PIK3C2G: variants seen among roughly 807,000 people sequenced by gnomAD.
The protein encoded by PIK3C2G is phosphatidylinositol-4-phosphate 3-kinase catalytic subunit type 2 gamma.
A neutral mutation model predicts 181.1 loss-of-function variants in PIK3C2G; 168 were observed. That is an observed-to-expected ratio of 0.93 (90% CI 0.82 to 1.05). PIK3C2G has a LOEUF of 1.05. Ranked by LOEUF, PIK3C2G falls within the 50% of genes least tolerant of loss-of-function variation. The pLI is 0.00. For missense variants in PIK3C2G, 1,869 were observed against 1,732.8 expected (o/e 1.08, Z -1.40); for synonymous variants, 573 against 592.2 (o/e 0.97, Z 0.47).
intron 17 of PIK3C2G, 69 bp from the exon 18 acceptor site, chr12:18,423,876 C>G: frequency 1.1e-6 from 1 of 898,076 alleles, no homozygotes; most frequent in East Asian, 2.6e-5. Context: ...TCTCAAGCCT[C>G]TGAAGTCCCT....
intron 9 of PIK3C2G, among the ~76,000 whole-genome samples, chr12:18,339,939 GAAATT>G (rs1487138492): frequency 2.0e-5 from 3 of 152,018 alleles, no homozygotes; most frequent in Admixed American, 6.6e-5. Flanking sequence ...AATAAATCCA[GAAATT>G]AAATATCAAA....
At chr12:18,563,817 T>A (rs1436898906) in intron 28 of PIK3C2G, among the ~76,000 whole-genome samples, 2 of 152,026 alleles carry the variant, frequency 1.3e-5, no homozygotes, top group Non-Finnish European at 2.9e-5. Flanking sequence ...TCCTCTTAGT[T>A]ATTTTTTATA....
intron 13 of PIK3C2G, among the ~76,000 whole-genome samples, chr12:18,372,919 G>A (rs1942169136): frequency 6.6e-6 from 1 of 152,080 alleles, no homozygotes; most frequent in Non-Finnish European, 1.5e-5. Context: ...GATCCTAGGT[G>A]TTATTTTTTA....
the PIK3C2G span, among the ~76,000 whole-genome samples, chr12:18,724,319 T>G: frequency 1.3e-5 from 2 of 151,990 alleles, no homozygotes; most frequent in African/African-American, 2.4e-5. Context: ...ACAATGAAAT[T>G]TTAGACAAAT....
chr12:18,560,121 G>A (rs140226926), intron 26 of PIK3C2G, among the ~76,000 whole-genome samples: 5 of 151,524 alleles, frequency 3.3e-5, no homozygotes, highest in African/African-American at 7.3e-5. Flanking sequence ...ATGAGCCACC[G>A]CACCTGGCCA....
upstream of PIK3C2G, among the ~76,000 whole-genome samples, chr12:18,256,987 G>A (rs552986088): frequency 1.2e-4 from 18 of 152,090 alleles, no homozygotes; most frequent in East Asian, 1.9e-4. Flanking sequence ...CAACTCTTCC[G>A]TTCTCAATAT....
chr12:18,350,932 A>G (rs1940160436), intron 11 of PIK3C2G, among the ~76,000 whole-genome samples: 1 of 152,156 alleles, frequency 6.6e-6, no homozygotes, highest in South Asian at 2.1e-4. Context: ...AGAAATTAGG[A>G]AGGATATAGG....
chr12:18,434,409 C>T (rs1347703303), intron 18 of PIK3C2G, among the ~76,000 whole-genome samples: 2 of 152,012 alleles, frequency 1.3e-5, no homozygotes, highest in Admixed American at 1.3e-4. Flanking sequence ...TGAACCTGGA[C>T]CCAAATAAGA....
chr12:18,507,231 T>C (rs1045142874), intron 24 of PIK3C2G, among the ~76,000 whole-genome samples: 2 of 152,064 alleles, frequency 1.3e-5, no homozygotes, highest in African/African-American at 4.8e-5. Context: ...GGTTTCGCCA[T>C]GTTGGCCAGG....
chr12:18,501,072 GAACA>G (rs1420828145), intron 22 of PIK3C2G, among the ~76,000 whole-genome samples: 1 of 151,344 alleles, frequency 6.6e-6, no homozygotes, highest in Non-Finnish European at 1.5e-5. Context: ...ACATCAGAAA[GAACA>G]AACTCCAGAC....
At chr12:18,445,433 T>G (rs1011140117) in intron 18 of PIK3C2G, among the ~76,000 whole-genome samples, 1 of 147,864 alleles carries the variant, frequency 6.8e-6, no homozygotes, top group Non-Finnish European at 1.5e-5. Flanking sequence ...AAAAAAAAAA[T>G]TGGTGGCAGC....
chr12:18,480,783 A>G (rs539207106), intron 18 of PIK3C2G, among the ~76,000 whole-genome samples: 1 of 152,170 alleles, frequency 6.6e-6, no homozygotes, highest in Non-Finnish European at 1.5e-5. Context: ...TATGACTGCA[A>G]AACTGCCTCT....
rs767156706 is a variant in PIK3C2G at position 18,371,220 on chromosome 12, T to A, written c.1789T>A (p.Ser597Thr). 2 of 1,611,926 alleles carry A rather than the reference T, an allele frequency of 1.2e-6. No homozygotes were observed. Among genetic ancestry groups the A allele is most frequent in the African/African-American group, 1.3e-5 (1 of 74,904 alleles). ...TGAAATAAAGTCACTTCCAAGGGAATCCATGCTCACTGTAAAACTGTTTGG... is the reference window on the plus strand; with the variant it reads ...TGAAATAAAGTCACTTCCAAGGGAAACCATGCTCACTGTAAAACTGTTTGG... ...PLEIKSLPRESMLTVKLFGIA... is the reference protein window; with the variant it reads ...PLEIKSLPRETMLTVKLFGIA... The change falls in exon 13 of 33, where the codon TCC becomes ACC. Residue 597 changes from serine (S) to threonine (T), a missense_variant. Transcript: ENST00000538779.
chr12:18,263,862 A>T (rs1266923126), intron 1 of PIK3C2G, among the ~76,000 whole-genome samples: 1 of 152,190 alleles, frequency 6.6e-6, no homozygotes, highest in Non-Finnish European at 1.5e-5. Context: ...ATTTTATATG[A>T]CATAACCAGA....
chr12:18,522,974 T>A (rs1943011423), intron 24 of PIK3C2G, among the ~76,000 whole-genome samples: 1 of 152,120 alleles, frequency 6.6e-6, no homozygotes, highest in Non-Finnish European at 1.5e-5. Context: ...ATTTCAGATG[T>A]CCTGTCTTTG....
rs1942042189 is a variant in PIK3C2G, at chr12:18,371,272, A to C, written c.1841A>C (p.Asn614Thr). ...FGIACATNNA[N>T]LLAWTCLPLF... ...ATTGCCTGTGCAACCAACAATGCAA[A>C]TTTACTGGCGTGGACTTGTCTTCCA... Residue 614 changes from asparagine (N) to threonine (T), a missense_variant, in exon 13 of 33, where the codon AAT becomes ACT. Transcript: ENST00000538779. 6.2e-7 allele frequency: 1 copy of C among 1,612,428 alleles called. No homozygotes were observed. The highest frequency in any genetic ancestry group is 1.3e-5 in the African/African-American group (1 of 75,026).
At chr12:18,255,947 T>A (rs1253198629) in intron 1 of PIK3C2G, among the ~76,000 whole-genome samples, 1 of 120,056 alleles carries the variant, frequency 8.3e-6, no homozygotes, top group Non-Finnish European at 1.8e-5. Flanking sequence ...TGGAGGAATT[T>A]ATTGTCCCTT....
rs545049804 is a variant in PIK3C2G at position 18,482,897 on chromosome 12, A to G, written c.2505-5552A>G. On this transcript the variant is annotated intron_variant, in intron 18 of 32. Coordinates refer to ENST00000538779, the MANE Select transcript of PIK3C2G (RefSeq NM_001288772.2). ...AATATGTAGAGGAGATAATGCACAT[A>G]GCCATTTTATCCATTTCCTGATAAC... is the stretch of plus-strand genomic sequence containing the variant. 3.9e-5 allele frequency among the ~76,000 whole-genome samples: 6 copies of G among 152,302 alleles called. No individual in the cohort carries two copies. In the East Asian group the frequency reaches 1.2e-3, roughly 29 times the overall value.
chr12:18,561,289 G>T (rs566873310), intron 26 of PIK3C2G, among the ~76,000 whole-genome samples: 4 of 152,134 alleles, frequency 2.6e-5, no homozygotes, highest in Non-Finnish European at 5.9e-5. Context: ...CAGTTCAATT[G>T]TACTATACAA....
Sources: gnomAD v4.1 joint callset for allele counts (sites outside exome capture counted in the v4.1 genomes callset) on GRCh38, gnomAD v4.1.1 for gene constraint, MANE v1.5 for transcripts, NCBI Gene and HGNC (gene_info 2026-07-23, HGNC 2026-07-21) for gene names.